Variants in LTO1 observed in about 807,000 individuals in gnomAD.
The protein encoded by LTO1 is LTO1 maturation factor of ABCE1.
Under a neutral mutation model 19.8 loss-of-function variants are expected in LTO1, and 18 were observed. That is an observed-to-expected ratio of 0.91 (90% CI 0.63 to 1.35). The LOEUF (loss-of-function observed/expected upper bound fraction) is 1.35, where lower values mean the gene tolerates loss of function less well. LTO1 is among the 40% of genes most tolerant of loss of function. The pLI, the probability that LTO1 is intolerant of heterozygous loss-of-function variation, is 0.00. For missense variants in LTO1, 175 were observed against 167.9 expected, an observed-to-expected ratio of 1.04 and a Z score of -0.23; for synonymous variants, 59 against 59.6, an observed-to-expected ratio of 0.99 and a Z score of 0.05.
intron 1 of LTO1, 111 bp downstream of exon 1, chr11:69,675,079 G>T: frequency 1.1e-6 from 1 of 950,466 alleles, no homozygotes; most frequent in Non-Finnish European, 1.7e-6. Context: ...TCCCCAATGC[G>T]CACGCCCAAG....
At chr11:69,674,957 G>A (rs1018173298) in intron 1 of LTO1, 6 of 692,630 alleles carry the variant, frequency 8.7e-6, no homozygotes, top group African/African-American at 3.5e-5. Flanking sequence ...GCCCTGACAG[G>A]GAAGGCGGGT....
At chr11:69,669,703 T>C (rs1412589876) in intron 3 of LTO1, among the ~76,000 whole-genome samples, 1 of 152,174 alleles carries the variant, frequency 6.6e-6, no homozygotes, top group Non-Finnish European at 1.5e-5. Context: ...TCAGGGCTAA[T>C]GAAAGAAAAG....
In LTO1 at chr11:69,667,395, C is replaced by T. The variant is rs1240346523; in HGVS notation, c.*124G>A. On this transcript the variant is annotated 3_prime_UTR_variant, in exon 5 of 5. Coordinates refer to ENST00000279147, the MANE Select transcript of LTO1 (RefSeq NM_153451.3). ...GGAAGGAAGCCCTCCCACGGCCGAA[C>T]CGGAACCCTCACCCTCCCAATGAAC... is the stretch of plus-strand genomic sequence containing the variant. 3 of 724,114 alleles carry T rather than the reference C, an allele frequency of 4.1e-6. No individual in the cohort carries two copies. The highest frequency in any genetic ancestry group is 7.3e-6 in the Non-Finnish European group (3 of 408,494). The allele number at this position is 724,114 out of a possible 1,614,324, so 44.9% of individuals were successfully genotyped here. A position where few individuals can be genotyped will look rare whatever the true frequency, so the allele number is the denominator to read the frequency against.
At chr11:69,668,945 T>G in intron 3 of LTO1, among the ~76,000 whole-genome samples, 1 of 149,800 alleles carries the variant, frequency 6.7e-6, no homozygotes, top group Middle Eastern at 3.3e-3. Flanking sequence ...GGAGAATTGC[T>G]GGAACCTGGG....
rs768982316 is a variant in LTO1 at position 69,675,252 on chromosome 11, C to G, written c.-13G>C. 6.7e-7 allele frequency: 1 copy of G among 1,490,138 alleles called. No homozygotes were observed. The highest frequency in any genetic ancestry group is 8.9e-7 in the Non-Finnish European group (1 of 1,121,518). The allele number at this position is 1,490,138 out of a possible 1,614,324, so 92.3% of individuals were successfully genotyped here. A position where few individuals can be genotyped will look rare whatever the true frequency, so the allele number is the denominator to read the frequency against. On this transcript the variant is annotated 5_prime_UTR_variant, in exon 1 of 5. Coordinates refer to ENST00000279147, the MANE Select transcript of LTO1 (RefSeq NM_153451.3). ...GACTGCCAGCCATAGCGGCAAGCAG[C>G]CCGCCCTTGGCCCCCGGGTTTCTGC... is the stretch of plus-strand genomic sequence containing the variant.
At position 69,667,524 on chromosome 11, in the gene LTO1, A is replaced by G. The variant is rs777557590; in HGVS notation, c.409T>C (p.Phe137Leu). 6.2e-7 allele frequency: 1 copy of G among 1,604,300 alleles called. No individual in the cohort carries two copies. The highest frequency in any genetic ancestry group is 1.1e-5 in the South Asian group (1 of 90,892). ...KISAEGSGLSF is the reference protein window; with the variant it reads ...KISAEGSGLSL ...TCTCTGTTCATCCATCCTCCTCAAAATGAAAGTCCGGAACCTTCTGCACTA... is the reference window on the plus strand; with the variant it reads ...TCTCTGTTCATCCATCCTCCTCAAAGTGAAAGTCCGGAACCTTCTGCACTA... The change falls in exon 5 of 5, where the codon TTT (phenylalanine) becomes CTT (leucine). Residue 137 changes from phenylalanine (F) to leucine (L), a missense_variant. By Grantham distance (22) the Phe-to-Leu change is conservative. Coordinates refer to ENST00000279147, the MANE Select transcript of LTO1 (RefSeq NM_153451.3).
intron 2 of LTO1, chr11:69,672,829 G>A (rs1856126212): frequency 3.1e-6 from 1 of 317,496 alleles, no homozygotes; most frequent in Non-Finnish European, 6.2e-6. Context: ...TGGAGATGGA[G>A]TTTCATCCTG....
chr11:69,674,824 G>A (rs561768536), intron 1 of LTO1: 2 of 513,138 alleles, frequency 3.9e-6, no homozygotes, highest in African/African-American at 1.9e-5. Flanking sequence ...GAATACTGCC[G>A]TATGTCCTAT....
At chr11:69,672,173 A>T in intron 2 of LTO1, 1 of 243,630 alleles carries the variant, frequency 4.1e-6, no homozygotes, top group East Asian at 9.0e-5. Flanking sequence ...CTCTTGGACC[A>T]CTCGCTCTTG....
At chr11:69,673,396 T>TA (rs1340962358) in intron 1 of LTO1, 75 bp from the exon 2 acceptor site, 27 of 1,003,660 alleles carry the variant, frequency 2.7e-5, no homozygotes, top group Non-Finnish European at 3.8e-5. Flanking sequence ...CTCTCTCTTG[T>TA]ATTACCCGGA....
chr11:69,669,209 G>A (rs1856074776), intron 3 of LTO1, among the ~76,000 whole-genome samples: 1 of 150,108 alleles, frequency 6.7e-6, no homozygotes, highest in African/African-American at 2.5e-5. Flanking sequence ...TCTTTTCAAT[G>A]AACCACAGGT....
intron 2 of LTO1, 150 bp from the exon 3 acceptor site, chr11:69,671,969 G>A: frequency 1.6e-6 from 1 of 609,812 alleles, no homozygotes; most frequent in South Asian, 1.8e-5. Flanking sequence ...TTAGGCAATG[G>A]AAATTAGGAA....
At chr11:69,674,347 G>A (rs1856156692) in intron 1 of LTO1, among the ~76,000 whole-genome samples, 1 of 152,176 alleles carries the variant, frequency 6.6e-6, no homozygotes, top group South Asian at 2.1e-4. Context: ...AATGTTCTCC[G>A]ACTGGTACCC....
chr11:69,675,094 G>T, intron 1 of LTO1, 96 bp downstream of exon 1: 2 of 1,132,714 alleles, frequency 1.8e-6, no homozygotes, highest in Non-Finnish European at 2.6e-6. Flanking sequence ...CCCAAGGGAC[G>T]CCAGGCTCCA....
In LTO1 at chr11:69,671,318, T is replaced by G. The variant is rs1243658457; in HGVS notation, c.227+431A>C. ...GCATTTTCTTGTTAACAGACTTAGT[T>G]GGCTACATTAAAAAACTGATGACAC... On this transcript the variant is annotated intron_variant, in intron 3 of 4. Transcript: ENST00000279147. The G allele has an allele frequency of 1.8e-5, 3 of 162,844 alleles. No individual in the cohort carries two copies. The South Asian group carries it at 5.1e-4, about 28-fold the overall frequency. The allele number at this position is 162,844 out of a possible 1,614,324, so 10.1% of individuals were successfully genotyped here. A position where few individuals can be genotyped will look rare whatever the true frequency, so the allele number is the denominator to read the frequency against.
At position 69,666,136 on chromosome 11, in the gene LTO1, C is replaced by T. The variant is rs1856029504; in HGVS notation, c.*1383G>A. ...CGCCAATACACTCCAAACTCGGCGACAGAGTGAGACTCCGTCTTAAAAGAA... is the reference window on the plus strand; with the variant it reads ...CGCCAATACACTCCAAACTCGGCGATAGAGTGAGACTCCGTCTTAAAAGAA... On this transcript the variant is annotated 3_prime_UTR_variant, in exon 5 of 5. Transcript: ENST00000279147. 6.6e-6 allele frequency: 1 copy of T among 152,164 alleles called. No individual in the cohort carries two copies. Among genetic ancestry groups the T allele is most frequent in the Admixed American group, 6.5e-5 (1 of 15,284 alleles). 9.4% of individuals were successfully genotyped at this position (152,164 alleles called of 1,614,324 possible).
At chr11:69,673,048 C>A (rs1856132283) in intron 2 of LTO1, 168 bp downstream of exon 2, 8 of 678,892 alleles carry the variant, frequency 1.2e-5, no homozygotes, top group Non-Finnish European at 2.2e-5. Flanking sequence ...GGCGATCCAC[C>A]CACCTCAGAC....
At position 69,671,786 on chromosome 11, in the gene LTO1, T is replaced by C; in HGVS notation, c.190A>G (p.Lys64Glu). ...GTGGTGCAACTGTGCAGTAGACATTTCCATGCAAAAGCAAAACCTTGGTAG... is the reference window on the plus strand; with the variant it reads ...GTGGTGCAACTGTGCAGTAGACATTCCCATGCAAAAGCAAAACCTTGGTAG... ...GCYQGFAFAW[K>E]CLLHSCTTEK... The change falls in exon 3 of 5, where the codon AAA becomes GAA. Residue 64 changes from lysine (K) to glutamate (E), a missense_variant. Transcript: ENST00000279147. 2 of 1,605,870 alleles carry C rather than the reference T, an allele frequency of 1.2e-6. No individual in the cohort carries two copies. Among genetic ancestry groups the C allele is most frequent in the Non-Finnish European group, 8.5e-7 (1 of 1,172,496 alleles).
rs759218804 is a variant in LTO1 at position 69,671,804 on chromosome 11, C to T, written c.172G>A (p.Gly58Ser). The part of the protein sequence containing the change: ...KIGSEIGCYQ[G>S]FAFAWKCLLH... ...AGACATTTCCATGCAAAAGCAAAAC[C>T]TTGGTAGCACCCGATCTGTGAATGT... The change falls in exon 3 of 5, where the codon GGT becomes AGT. Residue 58 changes from glycine to serine, a missense_variant. Gly to Ser is a moderately conservative substitution (Grantham distance 56, BLOSUM62 0). Coordinates refer to ENST00000279147, the MANE Select transcript of LTO1 (RefSeq NM_153451.3). The T allele has an allele frequency of 3.6e-5, 58 of 1,593,186 alleles. No homozygotes were observed. The highest frequency in any genetic ancestry group is 3.0e-4 in the Admixed American group (18 of 59,974).
Sources: allele counts gnomAD v4.1 joint callset (sites outside exome capture counted in the v4.1 genomes callset), GRCh38; gene constraint gnomAD v4.1.1; transcripts MANE v1.5; gene names NCBI Gene and HGNC (gene_info 2026-07-23, HGNC 2026-07-21).